MAN1C1: variants seen among roughly 807,000 people sequenced by gnomAD.
The protein encoded by MAN1C1 is mannosyl-oligosaccharide 1,2-alpha-mannosidase IC.
MAN1C1 carries 49 observed loss-of-function variants against 71.5 expected under a neutral mutation model. That is an observed-to-expected ratio of 0.69 (90% CI 0.54 to 0.87). The LOEUF (loss-of-function observed/expected upper bound fraction) is 0.87. Ranked by LOEUF, MAN1C1 falls within the 40% of genes least tolerant of loss-of-function variation. The pLI is 0.00. For missense variants in MAN1C1, 743 were observed against 835.0 expected (o/e 0.89, Z 1.36); for synonymous variants, 352 against 343.7 (o/e 1.02, Z -0.27).
intron 1 of MAN1C1, among the ~76,000 whole-genome samples, chr1:25,639,183 A>G (rs2045505142): frequency 6.6e-6 from 1 of 152,112 alleles, no homozygotes; most frequent in Non-Finnish European, 1.5e-5. Flanking sequence ...TACTTTTAGA[A>G]TTTCCATTTG....
chr1:25,754,837 CGTTTGCTTTTAGGCT>C (rs2047264504), intron 5 of MAN1C1, among the ~76,000 whole-genome samples: 1 of 152,170 alleles, frequency 6.6e-6, no homozygotes, highest in Non-Finnish European at 1.5e-5. Context: ...TAAGGAAGCG[CGTTTGCTTTTAGGCT>C]GTTTGCCTGC....
At chr1:25,710,907 G>A (rs759684652) in intron 2 of MAN1C1, among the ~76,000 whole-genome samples, 1 of 152,194 alleles carries the variant, frequency 6.6e-6, no homozygotes, top group African/African-American at 2.4e-5. Context: ...CTTAGGGAAG[G>A]TCTCTCCCCT....
At chr1:25,704,371 G>A (rs905223763) in intron 2 of MAN1C1, among the ~76,000 whole-genome samples, 13 of 152,188 alleles carry the variant, frequency 8.5e-5, no homozygotes, top group African/African-American at 2.7e-4. Context: ...GGGAATGGGC[G>A]GCCGACAGAA....
intron 2 of MAN1C1, among the ~76,000 whole-genome samples, chr1:25,689,669 C>T (rs1335224304): frequency 6.6e-6 from 1 of 152,166 alleles, no homozygotes; most frequent in Non-Finnish European, 1.5e-5. Context: ...GCTTGTCACC[C>T]ACCTTCTTTT....
At chr1:25,738,862 G>A (rs907657356) in intron 2 of MAN1C1, among the ~76,000 whole-genome samples, 1 of 152,132 alleles carries the variant, frequency 6.6e-6, no homozygotes, top group Non-Finnish European at 1.5e-5. Flanking sequence ...GTTTCTTAAG[G>A]TCTGGGCCTT....
chr1:25,676,387 G>A (rs1432946933), intron 1 of MAN1C1, among the ~76,000 whole-genome samples: 1 of 152,154 alleles, frequency 6.6e-6, no homozygotes, highest in African/African-American at 2.4e-5. Flanking sequence ...GCTTCTGAGC[G>A]ATAGACCTGG....
intron 1 of MAN1C1, among the ~76,000 whole-genome samples, chr1:25,623,324 T>C (rs552600829): frequency 1.3e-5 from 2 of 152,312 alleles, no homozygotes; most frequent in South Asian, 4.1e-4. Flanking sequence ...TTGAGGGAAT[T>C]AGGCATTCCA....
intron 9 of MAN1C1, among the ~76,000 whole-genome samples, chr1:25,780,458 CA>C (rs2047677724): frequency 6.6e-6 from 1 of 152,144 alleles, no homozygotes; most frequent in Non-Finnish European, 1.5e-5. Flanking sequence ...TTTTCTAAGA[CA>C]AAGGGTCCCA....
At chr1:25,768,536 C>T (rs2047491385) in intron 7 of MAN1C1, among the ~76,000 whole-genome samples, 2 of 122,518 alleles carry the variant, frequency 1.6e-5, no homozygotes, top group Non-Finnish European at 3.5e-5. Context: ...CCACACTCCC[C>T]TCACACACAC....
chr1:25,764,507 G>A lies in MAN1C1; in HGVS notation c.1141+540G>A, dbSNP rs1158796048. On this transcript the variant is annotated intron_variant, in intron 7 of 11. Coordinates refer to ENST00000374332, the MANE Select transcript of MAN1C1 (RefSeq NM_020379.4). The surrounding 1 kb of genome is among the most constrained non-coding windows in gnomAD (Gnocchi z 4.4). ...GGCTCACTGCAACCTCTGCCTCCCA[G>A]GTTCAAGTGATTCTCCTGACTCAGC... is the stretch of plus-strand genomic sequence containing the variant. Among the ~76,000 whole-genome samples, 1 of 151,922 alleles carries A rather than the reference G, an allele frequency of 6.6e-6. No individual in the cohort carries two copies. The highest frequency in any genetic ancestry group is 1.5e-5 in the Non-Finnish European group (1 of 67,988).
chr1:25,666,654 T>C (rs2045928848), intron 1 of MAN1C1, among the ~76,000 whole-genome samples: 1 of 152,234 alleles, frequency 6.6e-6, no homozygotes, highest in African/African-American at 2.4e-5. Context: ...CATCGTTTTA[T>C]GTAATAGATT....
At chr1:25,668,541 T>G (rs1237759993) in intron 1 of MAN1C1, among the ~76,000 whole-genome samples, 2 of 136,170 alleles carry the variant, frequency 1.5e-5, no homozygotes, top group African/African-American at 6.5e-5. Flanking sequence ...AATCCAAGCC[T>G]TCTACTTTTC....
intron 1 of MAN1C1, among the ~76,000 whole-genome samples, chr1:25,686,205 G>C (rs111559358): frequency 1.6e-4 from 25 of 152,316 alleles, no homozygotes; most frequent in African/African-American, 5.5e-4. Context: ...TCTTCTCTAA[G>C]AAATCTGTGG....
In MAN1C1 at chr1:25,641,084, A is replaced by G. The variant is rs537337529; in HGVS notation, c.540+22747A>G. The stretch of plus-strand genomic sequence containing the variant: ...TTCTGTATAGCCTGTAGTCTTTTAA[A>G]TGTAAGAATCCTCAGGGAGTCTGCT... On this transcript the variant is annotated intron_variant, in intron 1 of 11. Coordinates refer to ENST00000374332, the MANE Select transcript of MAN1C1 (RefSeq NM_020379.4). 3.3e-5 allele frequency among the ~76,000 whole-genome samples: 5 copies of G among 152,294 alleles called. No homozygotes were observed. In the East Asian group the frequency reaches 7.7e-4, roughly 24 times the overall value.
intron 2 of MAN1C1, among the ~76,000 whole-genome samples, chr1:25,704,108 A>C (rs2046484318): frequency 6.6e-6 from 1 of 152,180 alleles, no homozygotes; most frequent in African/African-American, 2.4e-5. Flanking sequence ...GCAACCAGCC[A>C]GGAAAGCAGT....
chr1:25,759,940 C>G (rs1006044237), intron 6 of MAN1C1: 6 of 152,212 alleles, frequency 3.9e-5, no homozygotes, highest in Admixed American at 3.9e-4. Context: ...ACTCTGCCTC[C>G]CTGAAACTCC....
chr1:25,689,077 C>T (rs191163498), intron 2 of MAN1C1, among the ~76,000 whole-genome samples: 15 of 152,288 alleles, frequency 9.8e-5, no homozygotes, highest in East Asian at 3.9e-4. Context: ...TGGGGAAAGC[C>T]GGTCTTGATT....
At chr1:25,706,129 A>T (rs1001385956) in intron 2 of MAN1C1, among the ~76,000 whole-genome samples, 6 of 152,130 alleles carry the variant, frequency 3.9e-5, no homozygotes. Context: ...TTCTGATGCA[A>T]AAGGTTAGGT....
intron 1 of MAN1C1, among the ~76,000 whole-genome samples, chr1:25,675,881 A>G (rs568373630): frequency 6.6e-6 from 1 of 152,312 alleles, no homozygotes; most frequent in African/African-American, 2.4e-5. Flanking sequence ...TGAGACTTAC[A>G]GGGGTTAAGT....
Sources: allele counts gnomAD v4.1 joint callset (sites outside exome capture counted in the v4.1 genomes callset), GRCh38; gene constraint gnomAD v4.1.1; non-coding constraint Gnocchi (gnomAD v3.1); transcripts MANE v1.5; gene names NCBI Gene and HGNC (gene_info 2026-07-23, HGNC 2026-07-21).